The following ERBB4 variants were observed in gnomAD, a reference collection of about 807,000 sequenced individuals.
The protein encoded by ERBB4 is erb-b2 receptor tyrosine kinase 4, also known as receptor tyrosine-protein kinase erbB-4.
In ERBB4, 42 loss-of-function variants were observed where a neutral mutation model predicts 158.0. The ratio of observed to expected loss-of-function variants is 0.27; its 90% CI spans 0.21 to 0.34. The LOEUF is 0.34. Among genes scored for constraint, ERBB4 ranks in the 10% least tolerant of loss-of-function variants. The pLI is 1.00. For synonymous variants in ERBB4, 583 were observed against 558.7 expected (o/e 1.04, Z -0.61); for missense variants, 1,333 against 1,624.1 (o/e 0.82, Z 3.08).
chr2:211,694,918 G>A (rs1238301849), intron 12 of ERBB4, among the ~76,000 whole-genome samples: 1 of 152,048 alleles, frequency 6.6e-6, no homozygotes, highest in African/African-American at 2.4e-5. Flanking sequence ...TGCCACCTTA[G>A]TAATATTTTC....
At chr2:211,462,384 C>A (rs16846219) in intron 20 of ERBB4, among the ~76,000 whole-genome samples, 1 of 151,940 alleles carries the variant, frequency 6.6e-6, no homozygotes, top group Non-Finnish European at 1.5e-5. Flanking sequence ...CAAACCATAT[C>A]GGAGTGATTG....
chr2:212,363,819 T>C (rs2089782915), intron 1 of ERBB4, among the ~76,000 whole-genome samples: 1 of 151,722 alleles, frequency 6.6e-6, no homozygotes, highest in African/African-American at 2.4e-5. Flanking sequence ...TGATTATATA[T>C]ACATTTACAA....
intron 12 of ERBB4, among the ~76,000 whole-genome samples, chr2:211,700,047 T>G (rs1205250435): frequency 1.3e-5 from 2 of 152,172 alleles, no homozygotes; most frequent in Non-Finnish European, 2.9e-5. Context: ...TCTGATTCTT[T>G]TATATATTTC....
intron 20 of ERBB4, among the ~76,000 whole-genome samples, chr2:211,463,297 A>G (rs2064585304): frequency 6.6e-6 from 1 of 152,182 alleles, no homozygotes; most frequent in South Asian, 2.1e-4. Context: ...TTGTTCATGT[A>G]CAAATTGCAA....
Position 211,729,023 on chromosome 2 carries a change from T to G in ERBB4, c.623-3829A>C, listed in dbSNP as rs1010305094. Among the ~76,000 whole-genome samples, 20 of 151,778 alleles carry G rather than the reference T, an allele frequency of 1.3e-4. 1 individual carries two copies. The highest frequency in any genetic ancestry group is 1.3e-4 in the Admixed American group (2 of 15,236). On this transcript the variant is annotated intron_variant, in intron 5 of 27. Transcript: ENST00000342788. ...ATAATATTATACAAATATAATCCAA[T>G]GTAGTACAATCTTAGATTCAATAGC...
At chr2:212,264,415 AT>A (rs1464819794) in intron 1 of ERBB4, among the ~76,000 whole-genome samples, 1 of 152,070 alleles carries the variant, frequency 6.6e-6, no homozygotes, top group Non-Finnish European at 1.5e-5. Context: ...GGCCTGGAAA[AT>A]GGGATTGGGC....
intron 1 of ERBB4, among the ~76,000 whole-genome samples, chr2:212,418,411 A>T (rs1438489283): frequency 6.6e-6 from 1 of 151,788 alleles, no homozygotes; most frequent in African/African-American, 2.4e-5. Context: ...TTTAAGGAGT[A>T]TTGCTTAGAG....
intron 1 of ERBB4, among the ~76,000 whole-genome samples, chr2:212,521,425 C>A (rs1020360481): frequency 6.6e-6 from 1 of 151,768 alleles, no homozygotes; most frequent in Non-Finnish European, 1.5e-5. Flanking sequence ...TTCTATAAAC[C>A]ATTATTGTAT....
chr2:211,546,078 C>G (rs575505159), intron 20 of ERBB4, among the ~76,000 whole-genome samples: 1 of 152,000 alleles, frequency 6.6e-6, no homozygotes, highest in Non-Finnish European at 1.5e-5. Context: ...TGCCAAAAAG[C>G]TCTTTTTAAT....
intron 2 of ERBB4, among the ~76,000 whole-genome samples, chr2:212,103,726 T>A (rs935174452): frequency 2.0e-5 from 3 of 152,050 alleles, no homozygotes; most frequent in East Asian, 1.9e-4. Context: ...TTTTCATTTT[T>A]TTTTTTTACA....
chr2:212,303,552 T>C (rs2086699808), intron 1 of ERBB4, among the ~76,000 whole-genome samples: 1 of 151,442 alleles, frequency 6.6e-6, no homozygotes. Flanking sequence ...AGTAGTCTTA[T>C]GGAAGTCTTC....
chr2:212,073,879 G>A (rs1036072647), intron 2 of ERBB4, among the ~76,000 whole-genome samples: 7 of 152,004 alleles, frequency 4.6e-5, no homozygotes, highest in African/African-American at 1.7e-4. Context: ...GTGAAAATAT[G>A]TTTAACACAT....
chr2:212,076,718 C>T (rs2125457011), intron 2 of ERBB4, among the ~76,000 whole-genome samples: 1 of 151,350 alleles, frequency 6.6e-6, no homozygotes, highest in Admixed American at 6.6e-5. Context: ...AAAAAGGGTC[C>T]CCTATGTTAA....
intron 19 of ERBB4, among the ~76,000 whole-genome samples, chr2:211,606,233 C>T (rs375349861): frequency 2.0e-5 from 3 of 151,948 alleles, no homozygotes; most frequent in East Asian, 3.8e-4. Flanking sequence ...ACCCTGCTAG[C>T]GGAATTATAT....
chr2:212,140,509 T>G (rs1029580359), intron 1 of ERBB4, among the ~76,000 whole-genome samples: 1 of 144,770 alleles, frequency 6.9e-6, no homozygotes, highest in South Asian at 2.1e-4. Context: ...AAAGTATATT[T>G]CATTTTTAAA....
chr2:211,811,080 C>T (rs567461384), intron 3 of ERBB4, among the ~76,000 whole-genome samples: 25 of 152,212 alleles, frequency 1.6e-4, no homozygotes, highest in South Asian at 2.1e-4. Flanking sequence ...TTATTTTGCC[C>T]GTTAGTTGAT....
At chr2:211,385,392 A>C (rs1231713329) in intron 27 of ERBB4, among the ~76,000 whole-genome samples, 1 of 152,104 alleles carries the variant, frequency 6.6e-6, no homozygotes, top group African/African-American at 2.4e-5. Context: ...GTTGGGATAG[A>C]ATTCAGGTCT....
At chr2:211,599,642 T>C (rs2068741664) in intron 19 of ERBB4, among the ~76,000 whole-genome samples, 1 of 151,956 alleles carries the variant, frequency 6.6e-6, no homozygotes, top group African/African-American at 2.4e-5. Context: ...TATACCTCTA[T>C]AGTCTATGAA....
chr2:211,696,126 C>G (rs1329215890), intron 12 of ERBB4, among the ~76,000 whole-genome samples: 1 of 141,800 alleles, frequency 7.1e-6, no homozygotes, highest in African/African-American at 2.6e-5. Flanking sequence ...CTTTCTTTCT[C>G]TTTCTCTCTT....
Sources: allele counts gnomAD v4.1 joint callset (sites outside exome capture counted in the v4.1 genomes callset), GRCh38; gene constraint gnomAD v4.1.1; transcripts MANE v1.5; gene names NCBI Gene and HGNC (gene_info 2026-07-23, HGNC 2026-07-21).